Variants in CELF2 observed in about 807,000 individuals in gnomAD.
The protein encoded by CELF2 is CUGBP Elav-like family member 2.
In CELF2, 8 loss-of-function variants were observed where a neutral mutation model predicts 62.6. The observed-to-expected ratio is 0.13, with a 90% CI of 0.07 to 0.23. The LOEUF is 0.23. Among genes scored for constraint, CELF2 ranks in the 10% least tolerant of loss-of-function variants. CELF2 has a pLI of 1.00. For synonymous variants in CELF2, 258 were observed against 250.0 expected (o/e 1.03, Z -0.30); for missense variants, 333 against 671.0 (o/e 0.50, Z 5.56).
At chr10:10,759,790 T>C in the CELF2 span, among the ~76,000 whole-genome samples, 1 of 152,200 alleles carries the variant, frequency 6.6e-6, no homozygotes, top group Non-Finnish European at 1.5e-5. Flanking sequence ...ACTCCAAGTA[T>C]TTCCTGAATA....
At chr10:10,647,495 C>T in the CELF2 span, among the ~76,000 whole-genome samples, 2 of 152,188 alleles carry the variant, frequency 1.3e-5, no homozygotes. Flanking sequence ...GTTCCACAGC[C>T]AAAGGGCAGC....
At chr10:11,090,208 G>A (rs751502645) in intron 1 of CELF2, among the ~76,000 whole-genome samples, 10 of 151,870 alleles carry the variant, frequency 6.6e-5, no homozygotes, top group African/African-American at 9.7e-5. Context: ...AAAAAAGTAG[G>A]CCTAGGGAGC....
chr10:10,834,795 C>G (rs754367729), intron 1 of CELF2, among the ~76,000 whole-genome samples: 1 of 152,170 alleles, frequency 6.6e-6, no homozygotes, highest in South Asian at 2.1e-4. Flanking sequence ...ATTAACAGCA[C>G]GAGAGGAAGC....
Position 11,070,590 on chromosome 10 carries a change from T to A in CELF2, c.74+52427T>A, listed in dbSNP as rs181910112. On this transcript the variant is annotated intron_variant, in intron 1 of 12. Transcript: ENST00000633077. ...CTGCATGTAGTTCAGGTGAACATCT[T>A]GAGTCGTGAAAATCTTGAGCAAAGA... Among the ~76,000 whole-genome samples the A allele has an allele frequency of 7.9e-5, 12 of 152,270 alleles. No individual in the cohort carries two copies. In the East Asian group the frequency reaches 2.3e-3, roughly 29 times the overall value.
chr10:10,557,383 A>G, the CELF2 span, among the ~76,000 whole-genome samples: 19,470 of 149,740 alleles, frequency 0.13, 1,394 homozygotes, highest in East Asian at 0.22. Flanking sequence ...TTTCTGTTCC[A>G]TTGATCTATA....
At chr10:10,944,379 A>G (rs1268600659) in intron 2 of CELF2, 1 of 152,686 alleles carries the variant, frequency 6.5e-6, no homozygotes, top group Non-Finnish European at 1.5e-5. Flanking sequence ...GTCCACAGTC[A>G]TCACAGGCAC....
rs543129853 is a variant in CELF2 at position 11,315,625 on chromosome 10, G to A, written c.1096+1367G>A. On this transcript the variant is annotated intron_variant, in intron 10 of 12. Transcript: ENST00000633077. This position sits in a 1 kb window ranked among gnomAD's most constrained non-coding sequence, Gnocchi z 5.8. ...TTGGGGAAAAGCGAAAACGTGGACCGAGCTTTAGCTGACCATACCTCCCAA... is the reference window on the plus strand; with the variant it reads ...TTGGGGAAAAGCGAAAACGTGGACCAAGCTTTAGCTGACCATACCTCCCAA... Among the ~76,000 whole-genome samples the A allele has an allele frequency of 3.5e-4, 54 of 152,294 alleles. No homozygotes were observed. The highest frequency in any genetic ancestry group is 5.4e-4 in the Non-Finnish European group (37 of 68,030).
At chr10:10,723,093 G>T in the CELF2 span, among the ~76,000 whole-genome samples, 1 of 152,078 alleles carries the variant, frequency 6.6e-6, no homozygotes, top group African/African-American at 2.4e-5. Context: ...TTAATTCATG[G>T]TATCTATGAG....
intron 1 of CELF2, among the ~76,000 whole-genome samples, chr10:11,065,801 T>C (rs75860401): frequency 0.014 from 2,159 of 152,178 alleles, 48 homozygotes; most frequent in African/African-American, 0.049. Context: ...GGGGTAGGAA[T>C]AGAGCAGGGC....
Position 10,996,413 on chromosome 10 carries a change from G to A in CELF2, c.89+76414G>A, listed in dbSNP as rs543227535. On this transcript the variant is annotated intron_variant, in intron 2 of 13. Transcript: ENST00000636488. Reference sequence around the variant, plus strand: ...GTCGGTGAAGGCAAGGATTTTATTCGACCTCTAGGGTCTTCCTCTGTCCCC... The same window carrying A: ...GTCGGTGAAGGCAAGGATTTTATTCAACCTCTAGGGTCTTCCTCTGTCCCC... 3.9e-5 allele frequency among the ~76,000 whole-genome samples: 6 copies of A among 152,270 alleles called. 1 individual carries two copies. The highest frequency in any genetic ancestry group is 3.9e-4 in the Admixed American group (6 of 15,300).
In CELF2 at chr10:10,938,101, A is replaced by T. The variant is rs1409604206; in HGVS notation, c.89+18102A>T. 6.6e-6 allele frequency among the ~76,000 whole-genome samples: 1 copy of T among 152,212 alleles called. No individual in the cohort carries two copies. Among genetic ancestry groups the T allele is most frequent in the Non-Finnish European group, 1.5e-5 (1 of 68,034 alleles). ...ATTTGGAATAACTCAAGAGAGATAG[A>T]GGGGAGATGGGTAATACTGAATATG... On this transcript the variant is annotated intron_variant, in intron 2 of 13. Transcript: ENST00000636488. The surrounding 1 kb of genome is among the most constrained non-coding windows in gnomAD (Gnocchi z 4.2).
chr10:10,518,710 C>A, the CELF2 span, among the ~76,000 whole-genome samples: 137 of 127,976 alleles, frequency 1.1e-3, no homozygotes, highest in African/African-American at 4.1e-3. Flanking sequence ...TAACATACCA[C>A]AAAATGATTT....
At chr10:10,965,950 A>T (rs985242155) in intron 2 of CELF2, among the ~76,000 whole-genome samples, 2 of 152,206 alleles carry the variant, frequency 1.3e-5, no homozygotes, top group African/African-American at 4.8e-5. Context: ...CCATACATAG[A>T]ATGACTGTGA....
the CELF2 span, among the ~76,000 whole-genome samples, chr10:10,606,606 G>A: frequency 6.6e-6 from 1 of 152,034 alleles, no homozygotes; most frequent in Non-Finnish European, 1.5e-5. Context: ...GCATTGTATG[G>A]GATTCAAATC....
At chr10:10,759,911 T>C in the CELF2 span, among the ~76,000 whole-genome samples, 14 of 152,166 alleles carry the variant, frequency 9.2e-5, no homozygotes, top group Admixed American at 4.6e-4. Flanking sequence ...AAAATCTTTT[T>C]TTTTGTTTTT....
intron 2 of CELF2, among the ~76,000 whole-genome samples, chr10:10,937,194 T>G (rs1037205150): frequency 2.7e-5 from 4 of 149,324 alleles, no homozygotes; most frequent in African/African-American, 9.8e-5. Context: ...TGGTGCAATC[T>G]TGTCTCACCG....
intron 1 of CELF2, among the ~76,000 whole-genome samples, chr10:11,031,656 A>T (rs763598054): frequency 4.6e-5 from 7 of 152,164 alleles, no homozygotes; most frequent in Admixed American, 2.0e-4. Flanking sequence ...TGCTTATTGT[A>T]TTCTTGCTAC....
At chr10:11,262,360 C>T (rs1030745171) in intron 5 of CELF2, among the ~76,000 whole-genome samples, 7 of 152,090 alleles carry the variant, frequency 4.6e-5, no homozygotes, top group African/African-American at 1.2e-4. Context: ...GCAAACACAG[C>T]GAGATGCTGT....
intron 1 of CELF2, among the ~76,000 whole-genome samples, chr10:11,133,669 C>A (rs1446091190): frequency 6.6e-6 from 1 of 152,228 alleles, no homozygotes; most frequent in East Asian, 1.9e-4. Context: ...CAGTATCACT[C>A]CGCTTTGTAG....
Sources: allele counts gnomAD v4.1 joint callset (sites outside exome capture counted in the v4.1 genomes callset), GRCh38; gene constraint gnomAD v4.1.1; non-coding constraint Gnocchi (gnomAD v3.1); transcripts MANE v1.5; gene names NCBI Gene and HGNC (gene_info 2026-07-23, HGNC 2026-07-21).